SPART: variants seen among roughly 807,000 people sequenced by gnomAD.
The protein encoded by SPART is spartin, also known as spastic paraplegia 20 (Troyer syndrome).
Under a neutral mutation model 58.7 loss-of-function variants are expected in SPART, and 35 were observed. That is an observed-to-expected ratio of 0.60 (90% CI 0.46 to 0.79). SPART has a LOEUF of 0.79. Ranked by LOEUF, SPART falls within the 30% of genes least tolerant of loss-of-function variation. The probability of loss-of-function intolerance (pLI) is 0.00; values close to 1 mark genes in which losing one functional copy is unlikely to be tolerated. For missense variants in SPART, 730 were observed against 786.1 expected (o/e 0.93, Z 0.85); for synonymous variants, 284 against 280.7 (o/e 1.01, Z -0.12).
At chr13:36,351,013 C>T (rs897090632), upstream of SPART, among the ~76,000 whole-genome samples, 1 of 152,152 alleles carries the variant, frequency 6.6e-6, no homozygotes, top group Non-Finnish European at 1.5e-5. Context: ...AGTCTGGGAC[C>T]ACTAGTTCTA....
chr13:36,319,636 T>C (rs147544868), intron 5 of SPART, among the ~76,000 whole-genome samples: 1,939 of 144,012 alleles, frequency 0.013, 78 homozygotes, highest in African/African-American at 0.046. Flanking sequence ...GCCAAACCCA[T>C]ATACTCTCAT....
chr13:36,367,710 T>C (rs978746920), intron 1 of SPART, among the ~76,000 whole-genome samples: 11 of 152,220 alleles, frequency 7.2e-5, no homozygotes, highest in Admixed American at 3.3e-4. Flanking sequence ...TGGCAGTGTA[T>C]TCCCGGTCTT....
chr13:36,305,481 T>C (rs1880430911), intron 8 of SPART, among the ~76,000 whole-genome samples: 1 of 152,134 alleles, frequency 6.6e-6, no homozygotes, highest in Non-Finnish European at 1.5e-5. Flanking sequence ...CTTTAACATA[T>C]CCTAAACATT....
At chr13:36,341,209 G>C (rs1248383275) in intron 1 of SPART, among the ~76,000 whole-genome samples, 1 of 152,132 alleles carries the variant, frequency 6.6e-6, no homozygotes, top group African/African-American at 2.4e-5. Context: ...GTGTATGATA[G>C]AAAATTTAAT....
chr13:36,349,226 G>T (rs1000407098), upstream of SPART, among the ~76,000 whole-genome samples: 2 of 152,158 alleles, frequency 1.3e-5, no homozygotes, highest in African/African-American at 4.8e-5. Flanking sequence ...TTGTGCCATT[G>T]ACTCCAGACT....
intron 1 of SPART, among the ~76,000 whole-genome samples, chr13:36,363,768 TG>T (rs113098380): frequency 5.0e-4 from 73 of 144,864 alleles, no homozygotes; most frequent in African/African-American, 1.1e-3. Context: ...TGGTTTTTTT[TG>T]TTGTTGTTGT....
intron 8 of SPART, among the ~76,000 whole-genome samples, chr13:36,307,808 C>G (rs924685184): frequency 6.6e-6 from 1 of 152,002 alleles, no homozygotes; most frequent in African/African-American, 2.4e-5. Flanking sequence ...TAAACTGAAT[C>G]TTAATGAATA....
At chr13:36,322,150 C>T (rs1236092553) in intron 5 of SPART, among the ~76,000 whole-genome samples, 1 of 152,196 alleles carries the variant, frequency 6.6e-6, no homozygotes, top group Non-Finnish European at 1.5e-5. Context: ...ATGTTGCTCA[C>T]ACAAAGCCCG....
intron 5 of SPART, among the ~76,000 whole-genome samples, chr13:36,325,091 C>T (rs1593247553): frequency 6.6e-6 from 1 of 152,054 alleles, no homozygotes; most frequent in South Asian, 2.1e-4. Context: ...GTCAAGTCAC[C>T]GCGGATGTGA....
intron 1 of SPART, among the ~76,000 whole-genome samples, chr13:36,345,061 C>T (rs114089250): frequency 0.013 from 1,922 of 152,328 alleles, 45 homozygotes; most frequent in African/African-American, 0.044. Flanking sequence ...TCTCACTTAA[C>T]AGTCAACATT....
At chr13:36,305,475 A>G (rs904334468) in intron 8 of SPART, among the ~76,000 whole-genome samples, 3 of 152,148 alleles carry the variant, frequency 2.0e-5, no homozygotes, top group African/African-American at 7.2e-5. Context: ...TTTGTCCTTT[A>G]ACATATCCTA....
chr13:36,365,105 T>A (rs1352119062), intron 1 of SPART, among the ~76,000 whole-genome samples: 1 of 152,196 alleles, frequency 6.6e-6, no homozygotes, highest in Non-Finnish European at 1.5e-5. Flanking sequence ...CACTTCCTAC[T>A]CCTTTCCACG....
In SPART at chr13:36,331,458, C is replaced by G; in HGVS notation, c.949G>C (p.Glu317Gln). The change falls in exon 3 of 9, where the codon GAG (glutamate) becomes CAG (glutamine). Residue 317 changes from glutamate (E) to glutamine (Q), a missense_variant. Glu to Gln is a conservative substitution (Grantham distance 29). Coordinates refer to ENST00000438666, the MANE Select transcript of SPART (RefSeq NM_015087.5). ...TCCTCAAAGAGCTCTCTATCATCCT[C>G]TGGTAACTCAGAGGACAGGACGACC... ...VGVVLSSELP[E>Q]DDRELFEDLL... 6.2e-7 allele frequency: 1 copy of G among 1,614,130 alleles called. No homozygotes were observed. Among genetic ancestry groups the G allele is most frequent in the South Asian group, 1.1e-5 (1 of 91,084 alleles).
intron 5 of SPART, among the ~76,000 whole-genome samples, chr13:36,321,563 C>A (rs1463974006): frequency 6.6e-6 from 1 of 151,260 alleles, no homozygotes; most frequent in Non-Finnish European, 1.5e-5. Flanking sequence ...TACCACAAGA[C>A]CTCCCTTCAG....
Position 36,314,528 on chromosome 13 carries a change from A to G in SPART, c.1289-107T>C, listed in dbSNP as rs1428392732. ...AAAAAATAAAAGGAGTTTGATATTCAGATGCTAAATGTGCCATGTCATAAA... is the reference window on the plus strand; with the variant it reads ...AAAAAATAAAAGGAGTTTGATATTCGGATGCTAAATGTGCCATGTCATAAA... On this transcript the variant is annotated intron_variant, in intron 5 of 8. Transcript: ENST00000438666. The G allele has an allele frequency of 2.7e-6, 3 of 1,110,832 alleles. No individual in the cohort carries two copies. The East Asian group carries it at 7.5e-5, about 28-fold the overall frequency. The allele number at this position is 1,110,832 out of a possible 1,614,324, so 68.8% of individuals were successfully genotyped here. A position where few individuals can be genotyped will look rare whatever the true frequency, so the allele number is the denominator to read the frequency against.
intron 8 of SPART, among the ~76,000 whole-genome samples, chr13:36,305,155 G>A (rs1014500880): frequency 1.3e-5 from 2 of 152,108 alleles, no homozygotes; most frequent in Non-Finnish European, 2.9e-5. Context: ...CCTCCTTGCT[G>A]TTCCTTGAGC....
intron 1 of SPART, among the ~76,000 whole-genome samples, chr13:36,360,194 C>T (rs2137717550): frequency 6.6e-6 from 1 of 151,752 alleles, no homozygotes; most frequent in Admixed American, 6.6e-5. Context: ...ACATGGGAGG[C>T]TGAGGCAGGA....
intron 1 of SPART, among the ~76,000 whole-genome samples, chr13:36,352,021 A>C (rs1301596366): frequency 2.6e-5 from 4 of 152,204 alleles, no homozygotes; most frequent in African/African-American, 9.6e-5. Flanking sequence ...AATTGCTCCA[A>C]GCTCATGTTG....
intron 5 of SPART, among the ~76,000 whole-genome samples, chr13:36,320,183 C>A (rs901792427): frequency 5.9e-5 from 9 of 152,170 alleles, no homozygotes; most frequent in Admixed American, 2.0e-4. Flanking sequence ...CTTCCAAAAT[C>A]CATTTTCTTC....
Sources: gnomAD v4.1 joint callset for allele counts (sites outside exome capture counted in the v4.1 genomes callset) on GRCh38, gnomAD v4.1.1 for gene constraint, MANE v1.5 for transcripts, NCBI Gene and HGNC (gene_info 2026-07-23, HGNC 2026-07-21) for gene names.